CFAP58: variants seen among roughly 807,000 people sequenced by gnomAD.
The protein encoded by CFAP58 is cilia- and flagella-associated protein 58.
In CFAP58, 88 loss-of-function variants were observed where a neutral mutation model predicts 119.5. The ratio of observed to expected loss-of-function variants is 0.74; its 90% CI spans 0.62 to 0.88. CFAP58 has a LOEUF of 0.88. CFAP58 is among the 40% of genes least tolerant of loss of function. The pLI is 0.00. For missense variants in CFAP58, 990 were observed against 1,021.2 expected, an observed-to-expected ratio of 0.97 and a Z score of 0.42; for synonymous variants, 365 against 366.3, an observed-to-expected ratio of 1.00 and a Z score of 0.04.
intron 15 of CFAP58, among the ~76,000 whole-genome samples, chr10:104,416,041 G>A (rs1318863854): frequency 6.6e-6 from 1 of 152,158 alleles, no homozygotes; most frequent in Non-Finnish European, 1.5e-5. Context: ...GATGCGTGCT[G>A]TACCTGGGAC....
chr10:104,376,855 A>G lies in CFAP58; in HGVS notation c.1135A>G (p.Met379Val), dbSNP rs781690295. 5.1e-5 allele frequency: 82 copies of G among 1,613,728 alleles called. 1 individual carries two copies. The Middle Eastern group carries it at 1.5e-3, about 29-fold the overall frequency. ...ACAAGCAGAACTTGACAGAAAGGCA[A>G]TGGACGAGCTTCTAAGAGAAAGGGA... ...KKQAELDRKAMDELLRERDIL... is the reference protein window; with the variant it reads ...KKQAELDRKAVDELLRERDIL... The change falls in exon 8 of 18, where the codon ATG (methionine) becomes GTG (valine). Residue 379 changes from methionine to valine, a missense_variant. Coordinates refer to ENST00000369704, the MANE Select transcript of CFAP58 (RefSeq NM_001008723.2).
intron 4 of CFAP58, 137 bp from the exon 5 acceptor site, chr10:104,365,677 C>A: frequency 1.6e-6 from 1 of 632,326 alleles, no homozygotes; most frequent in Non-Finnish European, 2.7e-6. Flanking sequence ...TCAAGGATGT[C>A]TGCCCTATAG....
intron 3 of CFAP58, 34 bp downstream of exon 3, chr10:104,362,205 T>A (rs754691617): frequency 6.4e-7 from 1 of 1,573,092 alleles, no homozygotes. Flanking sequence ...ATGTTAAACT[T>A]GCTTTTGCAG....
chr10:104,370,918 A>T lies in CFAP58; in HGVS notation c.954A>T (p.Gln318His). 1 of 1,613,030 alleles carries T rather than the reference A, an allele frequency of 6.2e-7. No individual in the cohort carries two copies. The highest frequency in any genetic ancestry group is 8.5e-7 in the Non-Finnish European group (1 of 1,179,740). Reference protein sequence around the residue: ...ELKAKEEEVHQMRLDIGKLNK... With the variant: ...ELKAKEEEVHHMRLDIGKLNK... ...AGGCCAAAGAGGAAGAAGTCCATCA[A>T]ATGCGCCTTGACATCGGGAAGCTCA... The change falls in exon 7 of 18, where the codon CAA becomes CAT. Residue 318 changes from glutamine (Q) to histidine (H), a missense_variant. By Grantham distance (24) the Gln-to-His change is conservative (BLOSUM62 0). Coordinates refer to ENST00000369704, the MANE Select transcript of CFAP58 (RefSeq NM_001008723.2).
intron 1 of CFAP58, among the ~76,000 whole-genome samples, chr10:104,357,964 T>G (rs1018083583): frequency 9.5e-6 from 1 of 105,810 alleles, no homozygotes; most frequent in Admixed American, 8.1e-5. Context: ...TACACATATA[T>G]GTACACATAT....
chr10:104,415,329 G>A (rs2012533168), intron 15 of CFAP58, among the ~76,000 whole-genome samples: 1 of 152,290 alleles, frequency 6.6e-6, no homozygotes, highest in Non-Finnish European at 1.5e-5. Flanking sequence ...CATCCCATGG[G>A]CGTTTGAGCT....
At chr10:104,392,583 G>A (rs996971462) in intron 10 of CFAP58, among the ~76,000 whole-genome samples, 189 bp downstream of exon 10, 2 of 151,232 alleles carry the variant, frequency 1.3e-5, no homozygotes, top group South Asian at 2.1e-4. Flanking sequence ...AATAGGATGT[G>A]GAGATCATGG....
intron 7 of CFAP58, among the ~76,000 whole-genome samples, chr10:104,375,863 T>A (rs1453034309): frequency 6.6e-6 from 1 of 152,162 alleles, no homozygotes; most frequent in Non-Finnish European, 1.5e-5. Flanking sequence ...TCTGAAGACC[T>A]GGGATCAATA....
intron 17 of CFAP58, among the ~76,000 whole-genome samples, chr10:104,453,344 C>A (rs2013224264): frequency 6.6e-6 from 1 of 152,174 alleles, no homozygotes; most frequent in African/African-American, 2.4e-5. Context: ...GGTTACCAAT[C>A]CTCTACAGGT....
intron 15 of CFAP58, among the ~76,000 whole-genome samples, chr10:104,422,876 G>T: frequency 6.6e-6 from 1 of 152,312 alleles, no homozygotes; most frequent in East Asian, 1.9e-4. Context: ...GTTACAAGTG[G>T]CTCTTGTTCA....
upstream of CFAP58, among the ~76,000 whole-genome samples, chr10:104,349,528 C>G (rs11192017): frequency 6.6e-6 from 1 of 152,192 alleles, no homozygotes; most frequent in Admixed American, 6.5e-5. Context: ...TTTAAAGGCT[C>G]TATCTCCAAA....
Position 104,370,924 on chromosome 10 carries a change from C to A in CFAP58, c.960C>A (p.Arg320=). 2 of 1,613,248 alleles carry A rather than the reference C, an allele frequency of 1.2e-6. No individual in the cohort carries two copies. The highest frequency in any genetic ancestry group is 1.7e-6 in the Non-Finnish European group (2 of 1,179,778). ...KAKEEEVHQM[R]LDIGKLNKIR... ...AAGAGGAAGAAGTCCATCAAATGCG[C>A]CTTGACATCGGGAAGCTCAACAAAA... Residue 320 remains arginine, a synonymous_variant, in exon 7 of 18, where the codon CGC becomes CGA. Transcript: ENST00000369704.
intron 16 of CFAP58, 95 bp from the exon 17 acceptor site, chr10:104,449,976 C>T: frequency 7.9e-7 from 1 of 1,265,956 alleles, no homozygotes; most frequent in Non-Finnish European, 1.1e-6. Context: ...TGTTTTGCAC[C>T]TCTAGCTCCA....
In CFAP58 at chr10:104,405,816, C is replaced by G. The variant is rs140806161; in HGVS notation, c.2152-873C>G. Among the ~76,000 whole-genome samples the G allele has an allele frequency of 1.8e-3, 278 of 152,242 alleles. 2 individuals are homozygous for G. Among genetic ancestry groups the G allele is most frequent in the African/African-American group, 6.3e-3 (263 of 41,556 alleles). ...TTAGGGAGCCCTGCTTCATTCCATT[C>G]AAGAATTCTAGGGGCTGGGCACAGT... On this transcript the variant is annotated intron_variant, in intron 14 of 17. Coordinates refer to ENST00000369704, the MANE Select transcript of CFAP58 (RefSeq NM_001008723.2).
At chr10:104,440,617 A>C (rs900101887) in intron 15 of CFAP58, among the ~76,000 whole-genome samples, 2 of 152,234 alleles carry the variant, frequency 1.3e-5, no homozygotes, top group African/African-American at 4.8e-5. Context: ...ACAGAGGTAC[A>C]TCAATAACTA....
the CFAP58 span, among the ~76,000 whole-genome samples, chr10:104,345,087 C>T: frequency 2.6e-5 from 4 of 151,674 alleles, no homozygotes; most frequent in Non-Finnish European, 5.9e-5. Flanking sequence ...GAGGAGGTTA[C>T]AGTGATCCGA....
At chr10:104,347,319 A>G in the CFAP58 span, among the ~76,000 whole-genome samples, 2 of 151,906 alleles carry the variant, frequency 1.3e-5, no homozygotes, top group African/African-American at 4.9e-5. Context: ...ACCCTTTGGG[A>G]GCTGATGTCA....
At chr10:104,430,437 A>T (rs2012826520) in intron 15 of CFAP58, among the ~76,000 whole-genome samples, 1 of 152,212 alleles carries the variant, frequency 6.6e-6, no homozygotes, top group Admixed American at 6.5e-5. Flanking sequence ...TTTTCACATT[A>T]CCTTCTCACT....
upstream of CFAP58, chr10:104,351,744 A>T (rs1350038311): frequency 6.6e-6 from 1 of 152,242 alleles, no homozygotes; most frequent in Non-Finnish European, 1.5e-5. Flanking sequence ...TGATGGGAGA[A>T]TACCTTTATG....
Sources: allele counts gnomAD v4.1 joint callset (sites outside exome capture counted in the v4.1 genomes callset), GRCh38; gene constraint gnomAD v4.1.1; transcripts MANE v1.5; gene names NCBI Gene and HGNC (gene_info 2026-07-23, HGNC 2026-07-21).